Variants in FKBP15 observed in about 807,000 individuals in gnomAD.
FKBP15 encodes FKBP prolyl isomerase family member 15, also known as FK506-binding protein 15.
FKBP15 carries 106 observed loss-of-function variants against 158.1 expected under a neutral mutation model. The ratio of observed to expected loss-of-function variants is 0.67; its 90% CI spans 0.57 to 0.79. FKBP15 has a LOEUF of 0.79. FKBP15 is among the 30% of genes least tolerant of loss of function. The pLI is 0.00. For missense variants in FKBP15, 1,287 were observed against 1,479.1 expected, an observed-to-expected ratio of 0.87 and a Z score of 2.13; for synonymous variants, 547 against 548.6, an observed-to-expected ratio of 1.00 and a Z score of 0.04.
intron 1 of FKBP15, among the ~76,000 whole-genome samples, chr9:113,219,995 A>C (rs144552535): frequency 5.3e-5 from 8 of 152,346 alleles, no homozygotes; most frequent in Admixed American, 3.3e-4. Context: ...GTGTAAATCA[A>C]AAATTCCTAC....
At chr9:113,197,153 G>C in intron 8 of FKBP15, 75 bp from the exon 9 acceptor site, 1 of 1,551,856 alleles carries the variant, frequency 6.4e-7, no homozygotes, top group Admixed American at 1.8e-5. Context: ...AGGAGCAACA[G>C]GTTTCACTTA....
At chr9:113,166,243 T>G (rs1418884764) in intron 27 of FKBP15, 88 bp from the exon 28 acceptor site, 4 of 1,192,606 alleles carry the variant, frequency 3.4e-6, no homozygotes, top group Non-Finnish European at 4.8e-6. Context: ...CCAACTTCTG[T>G]TCCCAGCTCT....
At chr9:113,172,816 A>T (rs1173888422) in intron 23 of FKBP15, among the ~76,000 whole-genome samples, 2 of 152,232 alleles carry the variant, frequency 1.3e-5, no homozygotes, top group Non-Finnish European at 2.9e-5. Flanking sequence ...TTTCAACTGG[A>T]CACTTTAAGG....
chr9:113,163,057 G>A lies in FKBP15; in HGVS notation c.*3021C>T. 2 of 792,828 alleles carry A rather than the reference G, an allele frequency of 2.5e-6. No homozygotes were observed. 49.1% of individuals were successfully genotyped at this position (792,828 alleles called of 1,614,324 possible). A position where few individuals can be genotyped will look rare whatever the true frequency, so the allele number is the denominator to read the frequency against. On this transcript the variant is annotated 3_prime_UTR_variant, in exon 28 of 28. Transcript: ENST00000238256. ...CCCTGGAAACTTTGAGCTGAAGCCA[G>A]CACTTGCTCCCTGGAGTTCGGAAGC...
At chr9:113,181,219 G>A (rs148230136) in intron 19 of FKBP15, among the ~76,000 whole-genome samples, 1 of 152,280 alleles carries the variant, frequency 6.6e-6, no homozygotes, top group African/African-American at 2.4e-5. Context: ...ATTATAAATA[G>A]AGCATCTACT....
chr9:113,203,127 A>G, intron 4 of FKBP15, 92 bp from the exon 5 acceptor site: 1 of 850,142 alleles, frequency 1.2e-6, no homozygotes, highest in South Asian at 1.6e-5. Context: ...ATCAGCAATA[A>G]GTATCAAAGG....
rs12378957 is a variant in FKBP15 at position 113,161,998 on chromosome 9, C to G, written c.*4080G>C. On this transcript the variant is annotated 3_prime_UTR_variant, in exon 28 of 28. Coordinates refer to ENST00000238256, the MANE Select transcript of FKBP15 (RefSeq NM_015258.2). ...AATGAGGTGGCCACCCACCCTCCCCCAAATCTCACCAGTTCCATGGGTCAC... is the reference window on the plus strand; with the variant it reads ...AATGAGGTGGCCACCCACCCTCCCCGAAATCTCACCAGTTCCATGGGTCAC... The G allele has an allele frequency of 4.2e-6, 2 of 475,576 alleles. No individual in the cohort carries two copies. Among genetic ancestry groups the G allele is most frequent in the African/African-American group, 2.0e-5 (1 of 50,060 alleles). 29.5% of individuals were successfully genotyped at this position (475,576 alleles called of 1,614,324 possible).
chr9:113,168,816 TAA>T (rs1233070014), intron 26 of FKBP15, among the ~76,000 whole-genome samples: 10 of 152,336 alleles, frequency 6.6e-5, no homozygotes, highest in Admixed American at 6.5e-4. Context: ...CCACCCTATC[TAA>T]AGTGGAACAA....
rs1184571884 is a variant in FKBP15, at chr9:113,176,394, G to C, written c.2223+143C>G. On this transcript the variant is annotated intron_variant, in intron 21 of 27. Transcript: ENST00000238256. The stretch of plus-strand genomic sequence containing the variant: ...GTCACCTTCAATGTATGAGATTAGA[G>C]CGGGGAAAATTTTTTTTTAATTTTA... 3 of 883,390 alleles carry C rather than the reference G, an allele frequency of 3.4e-6. No homozygotes were observed. In the African/African-American group the frequency reaches 5.1e-5, roughly 15 times the overall value. The allele number at this position is 883,390 out of a possible 1,614,324, so 54.7% of individuals were successfully genotyped here.
rs752609897 is a variant in FKBP15, at chr9:113,187,924, C to G, written c.1277-25G>C. On this transcript the variant is annotated intron_variant, in intron 13 of 27. Coordinates refer to ENST00000238256, the MANE Select transcript of FKBP15 (RefSeq NM_015258.2). ...GCTAAGATAAAGGGAGACATTTTCA[C>G]TGTTATCCACCCTTGCTTCTTGGTG... The G allele has an allele frequency of 7.1e-6, 11 of 1,549,796 alleles. No homozygotes were observed. The Admixed American group carries it at 1.9e-4, about 26-fold the overall frequency.
At chr9:113,192,224 C>G (rs570527460) in intron 11 of FKBP15, among the ~76,000 whole-genome samples, 57 of 152,208 alleles carry the variant, frequency 3.7e-4, no homozygotes, top group African/African-American at 1.3e-3. Flanking sequence ...TTTGATTTAA[C>G]CTTCTGGGTT....
At chr9:113,218,802 T>A (rs1171248013) in intron 1 of FKBP15, among the ~76,000 whole-genome samples, 3 of 152,190 alleles carry the variant, frequency 2.0e-5, no homozygotes, top group Non-Finnish European at 4.4e-5. Flanking sequence ...GGGGATAGAA[T>A]CAACATTTGA....
In FKBP15 at chr9:113,198,818, C is replaced by A. The variant is rs931593334; in HGVS notation, c.717+37G>T. 2.1e-5 allele frequency: 30 copies of A among 1,447,170 alleles called. No individual in the cohort carries two copies. The highest frequency in any genetic ancestry group is 2.7e-5 in the Non-Finnish European group (28 of 1,054,658). The allele number at this position is 1,447,170 out of a possible 1,614,324, so 89.6% of individuals were successfully genotyped here. On this transcript the variant is annotated intron_variant, in intron 8 of 27. Coordinates refer to ENST00000238256, the MANE Select transcript of FKBP15 (RefSeq NM_015258.2). This position sits in a 1 kb window ranked among gnomAD's most constrained non-coding sequence, Gnocchi z 5.2. The stretch of plus-strand genomic sequence containing the variant: ...TTAATCTAAGTTAAACCCACTGCAA[C>A]TGATAAAACCATAAAAAAACACAGT...
intron 20 of FKBP15, among the ~76,000 whole-genome samples, chr9:113,177,078 G>T (rs1830311342): frequency 6.6e-6 from 1 of 152,222 alleles, no homozygotes; most frequent in Non-Finnish European, 1.5e-5. Context: ...AGTCATCTCT[G>T]TGTATACATG....
chr9:113,216,140 AAG>A (rs1474862641), intron 1 of FKBP15, among the ~76,000 whole-genome samples: 1 of 151,858 alleles, frequency 6.6e-6, no homozygotes, highest in African/African-American at 2.4e-5. Flanking sequence ...AAAAAAAAAA[AAG>A]GGGGTATGCC....
In FKBP15 at chr9:113,199,802, G is replaced by T; in HGVS notation, c.648+12C>A. ...AAGTTTACAAAAGAACTTGCAGGGTGCATTTTCTTACCTGGCCCAGCACAT... is the reference window on the plus strand; with the variant it reads ...AAGTTTACAAAAGAACTTGCAGGGTTCATTTTCTTACCTGGCCCAGCACAT... On this transcript the variant is annotated intron_variant, in intron 7 of 27. Coordinates refer to ENST00000238256, the MANE Select transcript of FKBP15 (RefSeq NM_015258.2). The T allele has an allele frequency of 1.9e-6, 3 of 1,608,398 alleles. No homozygotes were observed. The highest frequency in any genetic ancestry group is 2.5e-6 in the Non-Finnish European group (3 of 1,177,390).
Position 113,207,252 on chromosome 9 carries a change from G to A in FKBP15, c.214C>T (p.Pro72Ser). The change falls in exon 3 of 28, where the codon CCC (proline) becomes TCC (serine). Residue 72 changes from proline to serine, a missense_variant. Pro to Ser is a moderately conservative substitution (Grantham distance 74). Transcript: ENST00000238256. ...ACTGCTGTTGCGACCAGTATTGTGG[G>A]AGTGCTCATGGTGGCTGGTGCTGTT... ...PKTAPATMST[P>S]TILVATAVHA... The A allele has an allele frequency of 1.2e-6, 2 of 1,613,412 alleles. No homozygotes were observed. Among genetic ancestry groups the A allele is most frequent in the Non-Finnish European group, 1.7e-6 (2 of 1,179,664 alleles).
chr9:113,164,407 GA>G lies in FKBP15; in HGVS notation c.*1670del, dbSNP rs1830066970. The G allele has an allele frequency of 6.6e-6, 1 of 152,208 alleles. No individual in the cohort carries two copies. Among genetic ancestry groups the G allele is most frequent in the African/African-American group, 2.4e-5 (1 of 41,446 alleles). The allele number at this position is 152,208 out of a possible 1,614,324, so 9.4% of individuals were successfully genotyped here. A position where few individuals can be genotyped will look rare whatever the true frequency, so the allele number is the denominator to read the frequency against. ...AGTATTAATTGAGTACATGCTATAA[GA>G]AAAGTAACTGTCACACGGACTTTAA... On this transcript the variant is annotated 3_prime_UTR_variant, in exon 28 of 28. Transcript: ENST00000238256.
chr9:113,221,218 T>C lies in FKBP15; in HGVS notation c.26A>G (p.Asp9Gly). The C allele has an allele frequency of 6.2e-7, 1 of 1,610,074 alleles. No homozygotes were observed. The highest frequency in any genetic ancestry group is 1.1e-5 in the South Asian group (1 of 90,096). Reference sequence around the variant, plus strand: ...GCCGCTCGGCGAGAGGAAATCGGTGTCGTCCTCGTCCCCCGCACCGAACAT... The same window carrying C: ...GCCGCTCGGCGAGAGGAAATCGGTGCCGTCCTCGTCCCCCGCACCGAACAT... MFGAGDED[D>G]TDFLSPSGGA... The change falls in exon 1 of 28, where the codon GAC becomes GGC. Residue 9 changes from aspartate to glycine, a missense_variant. Coordinates refer to ENST00000238256, the MANE Select transcript of FKBP15 (RefSeq NM_015258.2).
Sources: allele counts gnomAD v4.1 joint callset (sites outside exome capture counted in the v4.1 genomes callset), GRCh38; gene constraint gnomAD v4.1.1; non-coding constraint Gnocchi (gnomAD v3.1); transcripts MANE v1.5; gene names NCBI Gene and HGNC (gene_info 2026-07-23, HGNC 2026-07-21).